Variants in MYO9A observed in about 807,000 individuals in gnomAD.
MYO9A encodes the protein myosin IXA, also known as unconventional myosin-IXa.
In MYO9A, 103 loss-of-function variants were observed where a neutral mutation model predicts 293.3. That is an observed-to-expected ratio of 0.35 (90% CI 0.30 to 0.41). MYO9A has a LOEUF of 0.41. MYO9A is among the 10% of genes least tolerant of loss of function. The pLI, the probability that MYO9A is intolerant of heterozygous loss-of-function variation, is 1.00. For missense variants in MYO9A, 2,685 were observed against 3,033.0 expected (o/e 0.89, Z 2.69); for synonymous variants, 1,001 against 1,035.7 (o/e 0.97, Z 0.64).
At chr15:72,020,554 A>G (rs527482700) in intron 5 of MYO9A, among the ~76,000 whole-genome samples, 1 of 152,332 alleles carries the variant, frequency 6.6e-6, no homozygotes, top group East Asian at 1.9e-4. Flanking sequence ...AATCCCTTGC[A>G]AAGGACAAGA....
chr15:72,111,108 G>C (rs1275005865), intron 1 of MYO9A, among the ~76,000 whole-genome samples: 1 of 150,748 alleles, frequency 6.6e-6, no homozygotes, highest in Non-Finnish European at 1.5e-5. Context: ...GCAGTGAGCC[G>C]AGATTGCACC....
intron 9 of MYO9A, among the ~76,000 whole-genome samples, chr15:71,998,380 A>G (rs767004069): frequency 5.1e-4 from 77 of 152,144 alleles, no homozygotes; most frequent in Non-Finnish European, 9.3e-4. Flanking sequence ...AATAATCTCT[A>G]CAACAAACCC....
At chr15:71,901,541 G>T (rs1473497964) in intron 22 of MYO9A, among the ~76,000 whole-genome samples, 1 of 152,022 alleles carries the variant, frequency 6.6e-6, no homozygotes, top group African/African-American at 2.4e-5. Context: ...AATACGGAAG[G>T]TGAGCTGGGT....
rs1439395881 is a variant in MYO9A, at chr15:71,824,348, C to G, written c.*2232G>C. 1 of 152,092 alleles carries G rather than the reference C, an allele frequency of 6.6e-6. No homozygotes were observed. The highest frequency in any genetic ancestry group is 1.5e-5 in the Non-Finnish European group (1 of 68,022). The allele number at this position is 152,092 out of a possible 1,614,324, so 9.4% of individuals were successfully genotyped here. ...AAAAAACTTATTTTGCCAAAAAAGCCCCACAAAGATTTAGAAGGAAGAACA... is the reference window on the plus strand; with the variant it reads ...AAAAAACTTATTTTGCCAAAAAAGCGCCACAAAGATTTAGAAGGAAGAACA... On this transcript the variant is annotated 3_prime_UTR_variant, in exon 42 of 42. Coordinates refer to ENST00000356056, the MANE Select transcript of MYO9A (RefSeq NM_006901.4).
At chr15:72,079,056 A>G (rs1335338824) in intron 1 of MYO9A, among the ~76,000 whole-genome samples, 1 of 152,236 alleles carries the variant, frequency 6.6e-6, no homozygotes, top group Non-Finnish European at 1.5e-5. Flanking sequence ...ATGTCATTAT[A>G]CATCTGTCAA....
chr15:72,007,054 TGGATTACAGTTGGAGA>T (rs1198278910), intron 8 of MYO9A, among the ~76,000 whole-genome samples: 1 of 152,226 alleles, frequency 6.6e-6, no homozygotes, highest in East Asian at 1.9e-4. Context: ...ACGTGGGGAA[TGGATTACAGTTGGAGA>T]CATTATCATG....
At chr15:72,024,968 T>A (rs992463382) in intron 4 of MYO9A, among the ~76,000 whole-genome samples, 32 of 152,156 alleles carry the variant, frequency 2.1e-4, no homozygotes, top group Admixed American at 1.8e-3. Context: ...ATGGTATTAA[T>A]AATCCTACCT....
In MYO9A at chr15:72,042,453, T is replaced by A. The variant is rs554026003; in HGVS notation, c.840+3271A>T. ...GAAATAACACTTGACAGAATGAATT[T>A]TGACATCCATTCCTGAAAAAAAGCT... On this transcript the variant is annotated intron_variant, in intron 2 of 41. Transcript: ENST00000356056. Among the ~76,000 whole-genome samples, 5 of 152,190 alleles carry A rather than the reference T, an allele frequency of 3.3e-5. No individual in the cohort carries two copies. In the East Asian group the frequency reaches 9.7e-4, roughly 29 times the overall value.
Position 72,067,409 on chromosome 15 carries a change from G to A in MYO9A, c.-71-20775C>T, listed in dbSNP as rs569100744. Reference sequence around the variant, plus strand: ...ACTGTAACCTCCGCCTCAGCCTCCCGAGCAGCTGGGATTACAGGTGCCTGC... The same window carrying A: ...ACTGTAACCTCCGCCTCAGCCTCCCAAGCAGCTGGGATTACAGGTGCCTGC... On this transcript the variant is annotated intron_variant, in intron 1 of 41. Coordinates refer to ENST00000356056, the MANE Select transcript of MYO9A (RefSeq NM_006901.4). 4.4e-4 allele frequency among the ~76,000 whole-genome samples: 67 copies of A among 151,686 alleles called. 1 individual carries two copies. The highest frequency in any genetic ancestry group is 1.6e-3 in the African/African-American group (67 of 41,366).
Position 72,087,080 on chromosome 15 carries a change from A to C in MYO9A, c.-72+30600T>G, listed in dbSNP as rs375039321. Among the ~76,000 whole-genome samples the C allele has an allele frequency of 2.6e-5, 4 of 152,078 alleles. No individual in the cohort carries two copies. In the East Asian group the frequency reaches 7.7e-4, roughly 29 times the overall value. ...CGCCCCGGCCCACAGGAGCTATTCT[A>C]CTGCAGCTCTCTGCCATTCAAGTGT... On this transcript the variant is annotated intron_variant, in intron 1 of 41. Transcript: ENST00000356056.
At chr15:71,981,641 G>GTCTCTCTCTCTCTCTCTCTCTC (rs142432028) in intron 11 of MYO9A, among the ~76,000 whole-genome samples, 14 of 144,496 alleles carry the variant, frequency 9.7e-5, no homozygotes, top group East Asian at 8.1e-4. Context: ...TCTCTGTCTT[G>GTCTCTCTCTCTCTCTCTCTCTC]TCTCTCTCTC....
intron 35 of MYO9A, among the ~76,000 whole-genome samples, chr15:71,853,225 A>G (rs907308947): frequency 2.0e-5 from 3 of 152,256 alleles, no homozygotes; most frequent in East Asian, 1.9e-4. Context: ...CCACACTTTG[A>G]GTAACAATGG....
chr15:71,890,833 C>G (rs1472013880), intron 26 of MYO9A: 1 of 151,138 alleles, frequency 6.6e-6, no homozygotes, highest in East Asian at 1.9e-4. Flanking sequence ...GATTTAATGA[C>G]ACACTTCAGA....
intron 1 of MYO9A, among the ~76,000 whole-genome samples, chr15:72,049,724 TGAGAATCTAACTAATGCCA>T (rs1175179597): frequency 2.6e-5 from 4 of 152,254 alleles, no homozygotes; most frequent in Non-Finnish European, 5.9e-5. Flanking sequence ...ATGCTCCTTA[TGAGAATCTAACTAATGCCA>T]GAGAATCTAA....
At chr15:71,940,968 AG>A (rs2058758646) in intron 15 of MYO9A, among the ~76,000 whole-genome samples, 1 of 151,894 alleles carries the variant, frequency 6.6e-6, no homozygotes, top group Non-Finnish European at 1.5e-5. Context: ...GAGGAGGGGG[AG>A]GAGGAGTAAA....
chr15:71,938,889 G>T lies in MYO9A; in HGVS notation c.2341C>A (p.Leu781Ile). Residue 781 changes from leucine (L) to isoleucine (I), a missense_variant, in exon 16 of 42, where the codon CTC becomes ATC. Around this residue, in one of 10 missense-constraint regions of MYO9A, gnomAD observed 1,434 missense variants for 1,497.7 expected, o/e 0.96. Transcript: ENST00000356056. The stretch of plus-strand genomic sequence containing the variant: ...TCATTTAGAGCATTCATGCCCTGGA[G>T]ATCAGAAAGAGGTGTTCTGGGATTT... ...RKNPRTPLSD[L>I]QGMNALNEKN... 6.2e-7 allele frequency: 1 copy of T among 1,611,222 alleles called. No homozygotes were observed. Among genetic ancestry groups the T allele is most frequent in the South Asian group, 1.1e-5 (1 of 90,626 alleles).
At position 71,971,637 on chromosome 15, in the gene MYO9A, G is replaced by A. The variant is rs557825941; in HGVS notation, c.1845-3512C>T. On this transcript the variant is annotated intron_variant, in intron 12 of 41. Transcript: ENST00000356056. ...AAAACAAAGTAATTCTACTACCTCA[G>A]TTGCTGTTTACAAACACCTTAAGAT... Among the ~76,000 whole-genome samples, 8 of 150,720 alleles carry A rather than the reference G, an allele frequency of 5.3e-5. No individual in the cohort carries two copies. In the South Asian group the frequency reaches 6.3e-4, roughly 12 times the overall value.
At chr15:71,987,478 T>C (rs139083445) in intron 11 of MYO9A, among the ~76,000 whole-genome samples, 13 of 152,326 alleles carry the variant, frequency 8.5e-5, no homozygotes, top group African/African-American at 3.1e-4. Context: ...TCTTTTCCCA[T>C]TGACAATCTA....
rs374336779 is a variant in MYO9A, at chr15:72,046,254, G to A, written c.310C>T (p.Arg104Cys). Residue 104 changes from arginine to cysteine, a missense_variant, in exon 2 of 42, where the codon CGC becomes TGC. Physicochemically the swap from Arg to Cys is radical, Grantham distance 180 (BLOSUM62 -3). Around this residue, in one of 10 missense-constraint regions of MYO9A, gnomAD observed 63 missense variants for 57.9 expected, o/e 1.09. Transcript: ENST00000356056. ...AGGTTTTTCTCTCTCAGAAGGAAGC[G>A]GTAGTCCTCTCCACTTAAGCGATTT... The part of the protein sequence containing the change: ...LENRLSGEDY[R>C]FLLREKNLDG... 64 of 1,613,856 alleles carry A rather than the reference G, an allele frequency of 4.0e-5. No homozygotes were observed. Among genetic ancestry groups the A allele is most frequent in the Non-Finnish European group, 5.3e-5 (62 of 1,179,890 alleles).
Sources: gnomAD v4.1 joint callset for allele counts (sites outside exome capture counted in the v4.1 genomes callset) on GRCh38, gnomAD v4.1.1 for gene constraint, gnomAD v4.1.1 regional missense constraint, MANE v1.5 for transcripts, NCBI Gene and HGNC (gene_info 2026-07-23, HGNC 2026-07-21) for gene names.